BLTP3B: variants seen among roughly 807,000 people sequenced by gnomAD.
BLTP3B encodes the protein UHRF1 (ICBP90) binding protein 1-like.
the BLTP3B span, among the ~76,000 whole-genome samples, chr12:100,134,674 ATCT>A: frequency 4.6e-5 from 7 of 151,912 alleles, no homozygotes; most frequent in African/African-American, 9.6e-5. Flanking sequence ...CAAACTCCTG[ATCT>A]TCTCCCATAA....
the BLTP3B span, among the ~76,000 whole-genome samples, chr12:100,105,203 A>G: frequency 2.6e-5 from 4 of 152,158 alleles, no homozygotes; most frequent in Non-Finnish European, 4.4e-5. Flanking sequence ...CAAAAAGAAC[A>G]AAACTGGAGG....
At chr12:100,142,231 C>G in the BLTP3B span, among the ~76,000 whole-genome samples, 1 of 152,238 alleles carries the variant, frequency 6.6e-6, no homozygotes, top group African/African-American at 2.4e-5. Flanking sequence ...AGCACATTAA[C>G]CAGGCACTTG....
the BLTP3B span, among the ~76,000 whole-genome samples, chr12:100,124,934 TTTTA>T: frequency 4.3e-4 from 16 of 36,998 alleles, no homozygotes; most frequent in Admixed American, 9.1e-4. Flanking sequence ...AAAAAAAAAA[TTTTA>T]TATATATATA....
chr12:100,076,567 T>C, the BLTP3B span, among the ~76,000 whole-genome samples: 1 of 152,060 alleles, frequency 6.6e-6, no homozygotes, highest in Non-Finnish European at 1.5e-5. Context: ...CTAATTTTTG[T>C]ATTTTTACTA....
the BLTP3B span, among the ~76,000 whole-genome samples, chr12:100,079,908 C>T: frequency 6.6e-6 from 1 of 152,170 alleles, no homozygotes; most frequent in Non-Finnish European, 1.5e-5. Context: ...AGAGCTTGGG[C>T]CATAGCTTCA....
the BLTP3B span, chr12:100,059,916 G>GT: frequency 6.2e-7 from 1 of 1,612,500 alleles, no homozygotes; most frequent in Non-Finnish European, 8.5e-7. Flanking sequence ...CATTCAACTT[G>GT]TACACAGCCA....
chr12:100,062,107 G>A, the BLTP3B span, among the ~76,000 whole-genome samples: 1 of 152,168 alleles, frequency 6.6e-6, no homozygotes, highest in African/African-American at 2.4e-5. Context: ...TCTACAAAGA[G>A]AGCAGTCTCA....
the BLTP3B span, chr12:100,039,834 G>A: frequency 6.0e-6 from 9 of 1,511,624 alleles, no homozygotes; most frequent in East Asian, 1.4e-4. Flanking sequence ...CCAAATACTT[G>A]ATAAATCTTT....
the BLTP3B span, among the ~76,000 whole-genome samples, chr12:100,119,713 A>G: frequency 6.6e-6 from 1 of 152,190 alleles, no homozygotes; most frequent in Non-Finnish European, 1.5e-5. Flanking sequence ...AAGTGGTACC[A>G]GAATGATGTT....
At chr12:100,096,498 T>G in the BLTP3B span, among the ~76,000 whole-genome samples, 2 of 152,054 alleles carry the variant, frequency 1.3e-5, no homozygotes, top group Non-Finnish European at 2.9e-5. Context: ...ATTTGGCAAC[T>G]GAGAAATATA....
chr12:100,123,462 C>G, the BLTP3B span, among the ~76,000 whole-genome samples: 2 of 152,102 alleles, frequency 1.3e-5, no homozygotes, highest in Non-Finnish European at 2.9e-5. Context: ...TTTTCTCCCC[C>G]ACACACCAAG....
At chr12:100,125,193 A>C in the BLTP3B span, among the ~76,000 whole-genome samples, 2 of 150,152 alleles carry the variant, frequency 1.3e-5, no homozygotes, top group African/African-American at 4.9e-5. Flanking sequence ...TTAGCCAGAC[A>C]TGGAGGCACA....
the BLTP3B span, chr12:100,047,505 T>C: frequency 3.9e-6 from 6 of 1,549,006 alleles, no homozygotes; most frequent in South Asian, 2.2e-5. Flanking sequence ...ATCTCATAAA[T>C]AAACAAATAG....
chr12:100,128,400 AAAGAG>A, the BLTP3B span, among the ~76,000 whole-genome samples: 4 of 152,186 alleles, frequency 2.6e-5, no homozygotes, highest in African/African-American at 9.7e-5. Context: ...CAAAAAAAAG[AAAGAG>A]AAGACACTCA....
the BLTP3B span, among the ~76,000 whole-genome samples, chr12:100,104,430 C>T: frequency 6.6e-6 from 1 of 151,814 alleles, no homozygotes; most frequent in Non-Finnish European, 1.5e-5. Context: ...TCTCTAACTC[C>T]TGGCCTCAAA....
the BLTP3B span, among the ~76,000 whole-genome samples, chr12:100,067,233 A>G: frequency 6.6e-6 from 1 of 152,140 alleles, no homozygotes; most frequent in Non-Finnish European, 1.5e-5. Flanking sequence ...CTACATCAAA[A>G]AGTCTGAAAC....
At chr12:100,058,167 CTAGT>C in the BLTP3B span, 1 of 1,613,264 alleles carries the variant, frequency 6.2e-7, no homozygotes, top group Non-Finnish European at 8.5e-7. Context: ...ATTTCCTTTA[CTAGT>C]TAAAGTACTT....
At chr12:100,070,790 T>C in the BLTP3B span, among the ~76,000 whole-genome samples, 1 of 151,868 alleles carries the variant, frequency 6.6e-6, no homozygotes, top group Non-Finnish European at 1.5e-5. Flanking sequence ...GGCCTAGAGC[T>C]CAAGACCAGC....
chr12:100,067,781 T>C, the BLTP3B span, among the ~76,000 whole-genome samples: 1 of 151,648 alleles, frequency 6.6e-6, no homozygotes, highest in Non-Finnish European at 1.5e-5. Context: ...GTAAAAGACC[T>C]CTACAAGGAA....
Sources: allele counts gnomAD v4.1 joint callset (sites outside exome capture counted in the v4.1 genomes callset), GRCh38; gene constraint gnomAD v4.1.1; transcripts MANE v1.5; gene names NCBI Gene and HGNC (gene_info 2026-07-23, HGNC 2026-07-21).